Variants in VOPP1 observed in about 807,000 individuals in gnomAD.
VOPP1 encodes WW domain binding protein VOPP1.
In VOPP1, 8 loss-of-function variants were observed where a neutral mutation model predicts 23.5. That is an observed-to-expected ratio of 0.34 (90% CI 0.20 to 0.61). The LOEUF is 0.61. Among genes scored for constraint, VOPP1 ranks in the 20% least tolerant of loss-of-function variants. VOPP1 has a pLI of 0.78. For synonymous variants in VOPP1, 83 were observed against 97.3 expected (o/e 0.85, Z 0.86); for missense variants, 174 against 238.1 (o/e 0.73, Z 1.77).
At chr7:55,524,809 C>T (rs934961064) in intron 1 of VOPP1, among the ~76,000 whole-genome samples, 2 of 152,052 alleles carry the variant, frequency 1.3e-5, no homozygotes, top group Non-Finnish European at 2.9e-5. Context: ...GGGTTGAGAG[C>T]CGGGTGCTGC....
intron 1 of VOPP1, among the ~76,000 whole-genome samples, chr7:55,550,693 C>A (rs1797569421): frequency 1.3e-5 from 2 of 152,164 alleles, no homozygotes; most frequent in African/African-American, 4.8e-5. Context: ...CAGCCGCTAA[C>A]AGGCTGATGG....
At chr7:55,572,184 C>T in intron 1 of VOPP1, 87 bp downstream of exon 1, 4 of 1,156,144 alleles carry the variant, frequency 3.5e-6, no homozygotes, top group Middle Eastern at 5.0e-4. Flanking sequence ...CAGGCAAGGT[C>T]CTCTGGGGCG....
intron 1 of VOPP1, among the ~76,000 whole-genome samples, chr7:55,570,799 G>A (rs1228855474): frequency 3.9e-5 from 6 of 151,952 alleles, no homozygotes; most frequent in African/African-American, 7.3e-5. Flanking sequence ...AAAATTAGCC[G>A]GGCATAGTGG....
chr7:55,464,314 C>A (rs1432541371), intron 4 of VOPP1, among the ~76,000 whole-genome samples: 1 of 152,084 alleles, frequency 6.6e-6, no homozygotes, highest in Non-Finnish European at 1.5e-5. Flanking sequence ...CTGTGGTGGG[C>A]AGGGCAGGTT....
chr7:55,537,373 C>T, intron 1 of VOPP1: 5 of 1,309,426 alleles, frequency 3.8e-6, no homozygotes, highest in Non-Finnish European at 5.3e-6. Context: ...CAAGTCAGAC[C>T]ACTGATTTCG....
chr7:55,454,353 C>T (rs1230378026), intron 4 of VOPP1, among the ~76,000 whole-genome samples: 2 of 152,092 alleles, frequency 1.3e-5, no homozygotes, highest in African/African-American at 4.8e-5. Flanking sequence ...GATTCACAGC[C>T]GAATTCTACC....
At chr7:55,462,065 G>A (rs1031258818) in intron 4 of VOPP1, among the ~76,000 whole-genome samples, 13 of 152,284 alleles carry the variant, frequency 8.5e-5, no homozygotes, top group East Asian at 3.9e-4. Context: ...GGCTGGGAAA[G>A]ACTTTATTAC....
At chr7:55,532,280 G>A (rs1344793797) in intron 1 of VOPP1, among the ~76,000 whole-genome samples, 1 of 152,216 alleles carries the variant, frequency 6.6e-6, no homozygotes, top group East Asian at 1.9e-4. Flanking sequence ...CCTGAACAGT[G>A]ACCCAACCAT....
chr7:55,480,371 A>C (rs1178608999), intron 4 of VOPP1, among the ~76,000 whole-genome samples: 2 of 152,194 alleles, frequency 1.3e-5, no homozygotes, highest in African/African-American at 4.8e-5. Context: ...CAATTCATGA[A>C]TACTTCCTTG....
At chr7:55,481,484 G>A (rs1176964248) in intron 4 of VOPP1, among the ~76,000 whole-genome samples, 2 of 152,234 alleles carry the variant, frequency 1.3e-5, no homozygotes, top group Non-Finnish European at 2.9e-5. Flanking sequence ...GGTGTCGAGA[G>A]AAAAGGCCAA....
At chr7:55,554,948 T>C (rs1346858302) in intron 1 of VOPP1, among the ~76,000 whole-genome samples, 1 of 152,166 alleles carries the variant, frequency 6.6e-6, no homozygotes, top group African/African-American at 2.4e-5. Context: ...GATGAGGGTC[T>C]GGGAATGGAG....
chr7:55,440,113 C>T (rs1790928270), intron 4 of VOPP1, among the ~76,000 whole-genome samples: 1 of 152,218 alleles, frequency 6.6e-6, no homozygotes, highest in Non-Finnish European at 1.5e-5. Context: ...GCGTTCCTTG[C>T]CAGGCATTCA....
chr7:55,550,931 A>G (rs1291772550), intron 1 of VOPP1, among the ~76,000 whole-genome samples: 1 of 152,200 alleles, frequency 6.6e-6, no homozygotes, highest in African/African-American at 2.4e-5. Flanking sequence ...ACTGGCTTGA[A>G]GGAATCAGGG....
At chr7:55,565,496 C>T (rs1348256698) in intron 1 of VOPP1, among the ~76,000 whole-genome samples, 1 of 152,104 alleles carries the variant, frequency 6.6e-6, no homozygotes, top group African/African-American at 2.4e-5. Context: ...ATAATCAAAT[C>T]GGTCCATGGT....
At chr7:55,509,267 T>C (rs145201121) in intron 2 of VOPP1, among the ~76,000 whole-genome samples, 1,672 of 152,296 alleles carry the variant, frequency 0.011, 11 homozygotes, top group Middle Eastern at 0.02. Context: ...GCTGTTATAA[T>C]AAAATACCAC....
intron 4 of VOPP1, among the ~76,000 whole-genome samples, chr7:55,489,551 C>T (rs890907852): frequency 1.3e-5 from 2 of 152,156 alleles, no homozygotes; most frequent in African/African-American, 4.8e-5. Context: ...AAAGCTCACA[C>T]GGGTGCTGGA....
intron 3 of VOPP1, among the ~76,000 whole-genome samples, chr7:55,493,541 G>C (rs529241233): frequency 7.2e-4 from 110 of 152,354 alleles, no homozygotes; most frequent in Non-Finnish European, 1.0e-3. Context: ...AGGGAGAAAA[G>C]CCAGAGGCAC....
At chr7:55,557,817 A>T (rs1173781143) in intron 1 of VOPP1, among the ~76,000 whole-genome samples, 1 of 152,252 alleles carries the variant, frequency 6.6e-6, no homozygotes, top group Non-Finnish European at 1.5e-5. Context: ...GGTGGAGCAA[A>T]TGAGAGGGTG....
At chr7:55,540,165 C>T (rs1011134252) in intron 1 of VOPP1, among the ~76,000 whole-genome samples, 1 of 151,868 alleles carries the variant, frequency 6.6e-6, no homozygotes, top group Non-Finnish European at 1.5e-5. Flanking sequence ...TTTGGGAGGC[C>T]GAGGAGGGTG....
Sources: gnomAD v4.1 joint callset for allele counts (sites outside exome capture counted in the v4.1 genomes callset) on GRCh38, gnomAD v4.1.1 for gene constraint, MANE v1.5 for transcripts, NCBI Gene and HGNC (gene_info 2026-07-23, HGNC 2026-07-21) for gene names.